PRKCA: variants seen among roughly 807,000 people sequenced by gnomAD.
PRKCA encodes the protein protein kinase C alpha type.
In PRKCA, 27 loss-of-function variants were observed where a neutral mutation model predicts 87.0. The observed-to-expected ratio is 0.31, with a 90% CI of 0.23 to 0.43. The LOEUF (loss-of-function observed/expected upper bound fraction) is 0.43, where lower values mean the gene tolerates loss of function less well. PRKCA is among the 20% of genes least tolerant of loss of function. The probability of loss-of-function intolerance (pLI) is 1.00; values close to 1 mark genes in which losing one functional copy is unlikely to be tolerated. For synonymous variants in PRKCA, 329 were observed against 311.1 expected (o/e 1.06, Z -0.61); for missense variants, 518 against 852.3 (o/e 0.61, Z 4.88).
chr17:66,317,851 A>T (rs1382546699), intron 2 of PRKCA, among the ~76,000 whole-genome samples: 2 of 152,198 alleles, frequency 1.3e-5, no homozygotes, highest in African/African-American at 4.8e-5. Context: ...AAGTGAATGA[A>T]CTGTCCTAAA....
chr17:66,659,169 G>A (rs1351910964), intron 5 of PRKCA, among the ~76,000 whole-genome samples: 2 of 152,132 alleles, frequency 1.3e-5, no homozygotes, highest in Non-Finnish European at 2.9e-5. Flanking sequence ...CTAATCGGTG[G>A]TGCCAATAAG....
At chr17:66,531,528 C>G (rs2143035682) in intron 3 of PRKCA, among the ~76,000 whole-genome samples, 1 of 152,310 alleles carries the variant, frequency 6.6e-6, no homozygotes, top group East Asian at 1.9e-4. Context: ...TAGGCGATCG[C>G]TTCCTTTTGT....
chr17:66,626,098 C>G (rs1024259190), intron 3 of PRKCA, among the ~76,000 whole-genome samples: 6 of 152,206 alleles, frequency 3.9e-5, no homozygotes, highest in Admixed American at 3.9e-4. Context: ...ACAGGTGAAG[C>G]ATGGTGGGGC....
Position 66,331,739 on chromosome 17 carries a change from G to C in PRKCA, c.205+25612G>C, listed in dbSNP as rs570038335. Among the ~76,000 whole-genome samples, 5 of 152,288 alleles carry C rather than the reference G, an allele frequency of 3.3e-5. No individual in the cohort carries two copies. The East Asian group carries it at 7.7e-4, about 24-fold the overall frequency. ...GAGGTGGGGACAGGGGAAGTGGAGC[G>C]ACCGAGAGAAGGGTTGGAACATACA... On this transcript the variant is annotated intron_variant, in intron 2 of 16. Coordinates refer to ENST00000413366, the MANE Select transcript of PRKCA (RefSeq NM_002737.3).
At chr17:66,720,075 C>T (rs1973575914) in intron 8 of PRKCA, among the ~76,000 whole-genome samples, 1 of 152,126 alleles carries the variant, frequency 6.6e-6, no homozygotes, top group South Asian at 2.1e-4. Context: ...ATCCCAGTGG[C>T]CGAAGAAAGT....
chr17:66,769,351 G>T (rs999727545), intron 13 of PRKCA, among the ~76,000 whole-genome samples: 6 of 140,362 alleles, frequency 4.3e-5, no homozygotes, highest in Non-Finnish European at 9.1e-5. Context: ...GCAAGACACT[G>T]TCTCAAAAAA....
In PRKCA at chr17:66,788,858, C is replaced by G. The variant is rs755097684; in HGVS notation, c.1733C>G (p.Ala578Gly). Residue 578 changes from alanine (A) to glycine (G), a missense_variant, in exon 16 of 17, where the codon GCC (alanine) becomes GGC (glycine). By Grantham distance (60) the Ala-to-Gly change is moderately conservative. Around this residue, in one of 5 missense-constraint regions of PRKCA, gnomAD observed 159 missense variants for 232.4 expected, o/e 0.68. Transcript: ENST00000413366. ...TTCTAGCTGATGACCAAACACCCAG[C>G]CAAGCGGCTGGGCTGTGGGCCTGAG... ...VCKGLMTKHP[A>G]KRLGCGPEGE... 9.9e-6 allele frequency: 16 copies of G among 1,612,932 alleles called. No homozygotes were observed. The highest frequency in any genetic ancestry group is 3.4e-6 in the Non-Finnish European group (4 of 1,179,810).
chr17:66,579,746 A>G (rs749729272), intron 3 of PRKCA, among the ~76,000 whole-genome samples: 7 of 152,174 alleles, frequency 4.6e-5, no homozygotes, highest in Admixed American at 1.3e-4. Flanking sequence ...AGGCAGGGCC[A>G]TGGAGATGGT....
At chr17:66,561,199 G>A (rs756036031) in intron 3 of PRKCA, among the ~76,000 whole-genome samples, 1 of 152,164 alleles carries the variant, frequency 6.6e-6, no homozygotes, top group Non-Finnish European at 1.5e-5. Flanking sequence ...CGAAATGATC[G>A]CTTTCACATG....
At chr17:66,498,038 A>G (rs988423632) in intron 3 of PRKCA, among the ~76,000 whole-genome samples, 5 of 152,150 alleles carry the variant, frequency 3.3e-5, no homozygotes, top group African/African-American at 1.2e-4. Flanking sequence ...TTGTTTTATA[A>G]CTTCATGGAC....
intron 2 of PRKCA, among the ~76,000 whole-genome samples, chr17:66,418,962 G>T (rs138778680): frequency 4.0e-5 from 6 of 149,364 alleles, no homozygotes; most frequent in Non-Finnish European, 8.9e-5. Flanking sequence ...GGGTTTCACC[G>T]TGTTAGCCAG....
intron 3 of PRKCA, among the ~76,000 whole-genome samples, chr17:66,521,818 A>C (rs1381342448): frequency 6.6e-6 from 1 of 152,194 alleles, no homozygotes; most frequent in East Asian, 1.9e-4. Flanking sequence ...AAATACGGTC[A>C]AGAATTGTTG....
chr17:66,744,088 G>A (rs1252646017), intron 13 of PRKCA, among the ~76,000 whole-genome samples: 1 of 152,002 alleles, frequency 6.6e-6, no homozygotes, highest in African/African-American at 2.4e-5. Context: ...TTATTCCTTT[G>A]TGAAGACCTT....
chr17:66,699,483 AAT>A (rs1285095899), intron 8 of PRKCA, among the ~76,000 whole-genome samples: 11 of 152,368 alleles, frequency 7.2e-5, no homozygotes, highest in Admixed American at 6.5e-4. Flanking sequence ...ATCATAAAGA[AAT>A]AGAAAATCTG....
At chr17:66,744,653 C>T (rs1041625335) in intron 13 of PRKCA, among the ~76,000 whole-genome samples, 5 of 152,094 alleles carry the variant, frequency 3.3e-5, no homozygotes, top group African/African-American at 7.2e-5. Flanking sequence ...TGTTGCGGTT[C>T]GGTATCATTC....
At chr17:66,539,504 C>T (rs993108191) in intron 3 of PRKCA, among the ~76,000 whole-genome samples, 2 of 151,666 alleles carry the variant, frequency 1.3e-5, no homozygotes, top group African/African-American at 2.4e-5. Context: ...CTCAGGTTCA[C>T]GCCATTCTCC....
intron 2 of PRKCA, among the ~76,000 whole-genome samples, chr17:66,315,780 G>C (rs1197428376): frequency 6.6e-6 from 1 of 152,124 alleles, no homozygotes; most frequent in Non-Finnish European, 1.5e-5. Context: ...ACGTCCAGCC[G>C]GAAGTGTTTT....
At chr17:66,389,614 C>A (rs60235915) in intron 2 of PRKCA, among the ~76,000 whole-genome samples, 1,793 of 152,308 alleles carry the variant, frequency 0.012, 32 homozygotes, top group African/African-American at 0.041. Flanking sequence ...TGTCCTGGGC[C>A]AGGATGGTTG....
At chr17:66,467,560 G>A (rs1598697604) in intron 2 of PRKCA, among the ~76,000 whole-genome samples, 1 of 152,056 alleles carries the variant, frequency 6.6e-6, no homozygotes, top group Non-Finnish European at 1.5e-5. Flanking sequence ...AATTTTGTTT[G>A]TACATTTTTG....
Sources: allele counts gnomAD v4.1 joint callset (sites outside exome capture counted in the v4.1 genomes callset), GRCh38; gene constraint gnomAD v4.1.1; regional missense constraint gnomAD v4.1.1; transcripts MANE v1.5; gene names NCBI Gene and HGNC (gene_info 2026-07-23, HGNC 2026-07-21).